Variants in SOCS2 observed in about 807,000 individuals in gnomAD.
SOCS2 encodes CIS-2.
A neutral mutation model predicts 18.6 loss-of-function variants in SOCS2; 10 were observed. The observed-to-expected ratio is 0.54, with a 90% CI of 0.33 to 0.91. The LOEUF (loss-of-function observed/expected upper bound fraction) is 0.91. SOCS2 is among the 40% of genes least tolerant of loss of function. The pLI is 0.02. For synonymous variants in SOCS2, 104 were observed against 104.0 expected (o/e 1.00, Z 0.00); for missense variants, 231 against 247.2 (o/e 0.93, Z 0.44).
the SOCS2 span, among the ~76,000 whole-genome samples, chr12:93,620,661 G>A: frequency 1.3e-4 from 19 of 151,960 alleles, no homozygotes; most frequent in African/African-American, 4.4e-4. Context: ...TGATCCACCC[G>A]CCTCAGTCTC....
chr12:93,614,455 CTTCCTTCCTTCCTTCCTTCCTTCCT>C, the SOCS2 span, among the ~76,000 whole-genome samples: 1 of 78,046 alleles, frequency 1.3e-5, no homozygotes, highest in Non-Finnish European at 2.2e-5. Context: ...TCCTTCCTTC[CTTCCTTCCTTCCTTCCTTCCTTCCT>C]TTCCTTCCTT....
At chr12:93,595,499 C>T in the SOCS2 span, among the ~76,000 whole-genome samples, 21 of 152,320 alleles carry the variant, frequency 1.4e-4, no homozygotes, top group Admixed American at 1.2e-3. Context: ...ACATTTCTTG[C>T]ATGTGTTTGT....
At chr12:93,592,171 T>C in the SOCS2 span, among the ~76,000 whole-genome samples, 3 of 152,236 alleles carry the variant, frequency 2.0e-5, no homozygotes, top group African/African-American at 7.2e-5. Flanking sequence ...AGCCTCTATT[T>C]AAATCATGTT....
At chr12:93,619,314 G>A in the SOCS2 span, among the ~76,000 whole-genome samples, 1 of 152,166 alleles carries the variant, frequency 6.6e-6, no homozygotes, top group African/African-American at 2.4e-5. Context: ...GAGCAAGAGA[G>A]CCTTACACAG....
the SOCS2 span, among the ~76,000 whole-genome samples, chr12:93,612,300 A>G: frequency 0.015 from 2,347 of 151,736 alleles, 73 homozygotes; most frequent in African/African-American, 0.054. Flanking sequence ...TGATTCCTCC[A>G]TGGTACTTTT....
chr12:93,620,422 CT>C, the SOCS2 span, among the ~76,000 whole-genome samples: 16 of 148,710 alleles, frequency 1.1e-4, no homozygotes, highest in East Asian at 2.0e-4. Flanking sequence ...CTTTTTTTCT[CT>C]TTTTTTTTTG....
intron 1 of SOCS2, chr12:93,582,882 G>C (rs906557349): frequency 6.6e-6 from 1 of 152,068 alleles, no homozygotes; most frequent in Non-Finnish European, 1.5e-5. Context: ...GGAGAGGCAG[G>C]CTCCACCTAT....
the SOCS2 span, among the ~76,000 whole-genome samples, chr12:93,607,319 C>A: frequency 6.6e-6 from 1 of 152,330 alleles, no homozygotes; most frequent in Admixed American, 6.5e-5. Context: ...CCACTGGCAT[C>A]TTCCATGAAA....
the SOCS2 span, among the ~76,000 whole-genome samples, chr12:93,619,713 G>T: frequency 1.3e-5 from 2 of 152,108 alleles, no homozygotes; most frequent in Non-Finnish European, 2.9e-5. Flanking sequence ...TCCAACTGAG[G>T]TTCCAAGTGT....
chr12:93,612,139 A>T, the SOCS2 span, among the ~76,000 whole-genome samples: 11 of 152,296 alleles, frequency 7.2e-5, 1 homozygote, highest in Admixed American at 3.3e-4. Context: ...AAATAAAAGG[A>T]TGTATCTAAA....
At chr12:93,607,201 A>G in the SOCS2 span, among the ~76,000 whole-genome samples, 1 of 152,180 alleles carries the variant, frequency 6.6e-6, no homozygotes, top group Non-Finnish European at 1.5e-5. Flanking sequence ...GAGACCATAG[A>G]CTATCTCCTA....
At chr12:93,609,347 G>A in the SOCS2 span, among the ~76,000 whole-genome samples, 1 of 151,598 alleles carries the variant, frequency 6.6e-6, no homozygotes, top group East Asian at 1.9e-4. Flanking sequence ...AGCCAAGACT[G>A]TGCCATCACA....
At chr12:93,589,360 T>A in the SOCS2 span, among the ~76,000 whole-genome samples, 753 of 152,350 alleles carry the variant, frequency 4.9e-3, 6 homozygotes, top group South Asian at 0.031. Context: ...ATTTTTTTTT[T>A]AAATTCCCAT....
downstream of SOCS2, among the ~76,000 whole-genome samples, chr12:93,584,917 C>G (rs1954574815): frequency 6.6e-6 from 1 of 152,126 alleles, no homozygotes. Flanking sequence ...TGCCTGCCAC[C>G]ATGCCCAACT....
At chr12:93,587,753 C>T (rs766399005), downstream of SOCS2, among the ~76,000 whole-genome samples, 2 of 151,738 alleles carry the variant, frequency 1.3e-5, no homozygotes, top group African/African-American at 4.9e-5. Flanking sequence ...GCAGACCACA[C>T]GAAGGTGTGA....
At chr12:93,573,131 A>G (rs979189423) in intron 1 of SOCS2, 95 bp downstream of exon 1, 2 of 1,445,742 alleles carry the variant, frequency 1.4e-6, no homozygotes, top group African/African-American at 2.8e-5. Context: ...AAAGAATAAG[A>G]TGGAAATACG....
At chr12:93,598,393 T>C in the SOCS2 span, among the ~76,000 whole-genome samples, 1 of 151,964 alleles carries the variant, frequency 6.6e-6, no homozygotes. Context: ...CCGAGGAGTT[T>C]GGGTTTTATT....
the SOCS2 span, among the ~76,000 whole-genome samples, chr12:93,606,757 A>T: frequency 6.6e-6 from 1 of 152,132 alleles, no homozygotes; most frequent in South Asian, 2.1e-4. Context: ...GGTTCAAGTG[A>T]TCCTCCTGCC....
chr12:93,585,256 C>G (rs1248212160), downstream of SOCS2, among the ~76,000 whole-genome samples: 1 of 152,106 alleles, frequency 6.6e-6, no homozygotes, highest in Non-Finnish European at 1.5e-5. Context: ...ATTTCTACAT[C>G]TATACACATC....
Sources: allele counts gnomAD v4.1 joint callset (sites outside exome capture counted in the v4.1 genomes callset), GRCh38; gene constraint gnomAD v4.1.1; transcripts MANE v1.5; gene names NCBI Gene and HGNC (gene_info 2026-07-23, HGNC 2026-07-21).